The following GALNS variants were observed in gnomAD, a reference collection of about 807,000 sequenced individuals.
GALNS encodes galactosamine (N-acetyl)-6-sulfatase.
A neutral mutation model predicts 65.9 loss-of-function variants in GALNS; 65 were observed. That is an observed-to-expected ratio of 0.99 (90% CI 0.81 to 1.21). GALNS has a LOEUF of 1.21. GALNS is among the 50% of genes most tolerant of loss of function. GALNS has a pLI of 0.00. For synonymous variants in GALNS, 346 were observed against 288.9 expected, an observed-to-expected ratio of 1.20 and a Z score of -2.00; for missense variants, 776 against 700.7, an observed-to-expected ratio of 1.11 and a Z score of -1.21.
At chr16:88,838,097 G>A (rs926531340) in intron 4 of GALNS, among the ~76,000 whole-genome samples, 3 of 152,166 alleles carry the variant, frequency 2.0e-5, no homozygotes, top group Non-Finnish European at 2.9e-5. Flanking sequence ...TCGTGGCCCC[G>A]GCTCCTTCCT....
At chr16:88,854,427 C>T (rs1443603722) in intron 1 of GALNS, among the ~76,000 whole-genome samples, 4 of 152,346 alleles carry the variant, frequency 2.6e-5, no homozygotes, top group Non-Finnish European at 5.9e-5. Flanking sequence ...TGCCAGCATC[C>T]CTGCCCTGTC....
intron 1 of GALNS, among the ~76,000 whole-genome samples, chr16:88,848,492 G>A (rs919797334): frequency 3.3e-5 from 5 of 151,816 alleles, no homozygotes; most frequent in African/African-American, 9.7e-5. Context: ...AATTAGCCAG[G>A]CGTGGTTGCA....
intron 10 of GALNS, among the ~76,000 whole-genome samples, chr16:88,825,555 TCCGGGACTGGGATTC>T (rs1910791384): frequency 1.2e-5 from 1 of 81,094 alleles, no homozygotes; most frequent in Non-Finnish European, 3.0e-5. Flanking sequence ...TGCCTGGGTG[TCCGGGACTGGGATTC>T]CTGGGCAGCT....
Position 88,856,832 on chromosome 16 carries a change from C to T in GALNS, c.46G>A (p.Val16Met), listed in dbSNP as rs577397719. The T allele has an allele frequency of 6.6e-7, 1 of 1,523,340 alleles. No individual in the cohort carries two copies. The highest frequency in any genetic ancestry group is 8.7e-7 in the Non-Finnish European group (1 of 1,144,884). The allele number at this position is 1,523,340 out of a possible 1,614,324, so 94.4% of individuals were successfully genotyped here. ...AATRWWQLLL[V>M]LSAAGMGASG... is the part of the protein sequence containing the mutation. ...GCCCCCATCCCCGCGGCGCTGAGCA[C>T]CAGCAACAGCTGCCACCACCTCGTC... is the stretch of plus-strand genomic sequence containing the variant. Residue 16 changes from valine to methionine, a missense_variant, in exon 1 of 14, where the codon GTG (valine) becomes ATG (methionine). Coordinates refer to ENST00000268695, the MANE Select transcript of GALNS (RefSeq NM_000512.5).
intron 2 of GALNS, 58 bp from the exon 3 acceptor site, chr16:88,842,029 G>A: frequency 6.8e-7 from 1 of 1,476,572 alleles, no homozygotes; most frequent in Non-Finnish European, 9.3e-7. Context: ...CAGACCCCGG[G>A]CGTCAACAAG....
intron 13 of GALNS, chr16:88,817,255 G>A (rs902994823): frequency 3.6e-5 from 35 of 985,176 alleles, no homozygotes; most frequent in Non-Finnish European, 4.0e-5. Flanking sequence ...ACAAGACGAC[G>A]ACGCATCCTT....
chr16:88,855,498 G>A (rs569857721), intron 1 of GALNS: 3 of 702,818 alleles, frequency 4.3e-6, no homozygotes, highest in Non-Finnish European at 7.8e-6. Context: ...CTGGGCGCTG[G>A]AGAGCGTGCT....
chr16:88,828,126 A>C (rs1911120736), intron 9 of GALNS, among the ~76,000 whole-genome samples: 1 of 152,232 alleles, frequency 6.6e-6, no homozygotes, highest in South Asian at 2.1e-4. Flanking sequence ...GCAGAAGGTG[A>C]GAAGCTTCCC....
chr16:88,853,581 G>A (rs1051613979), intron 1 of GALNS, among the ~76,000 whole-genome samples: 11 of 152,208 alleles, frequency 7.2e-5, no homozygotes, highest in Non-Finnish European at 1.3e-4. Flanking sequence ...TTCCAAATAA[G>A]GAGTGGAGAC....
chr16:88,826,913 G>A (rs1910990975), intron 9 of GALNS, 75 bp from the exon 10 acceptor site: 4 of 1,527,080 alleles, frequency 2.6e-6, no homozygotes, highest in South Asian at 2.4e-5. Flanking sequence ...TCCCTGGGGG[G>A]GCGTGAGCCC....
At chr16:88,832,445 C>T (rs1383607489) in intron 8 of GALNS, among the ~76,000 whole-genome samples, 1 of 152,208 alleles carries the variant, frequency 6.6e-6, no homozygotes, top group African/African-American at 2.4e-5. Context: ...TGAATGTTCA[C>T]AAGCCTCCCG....
Position 88,817,898 on chromosome 16 carries a change from G to A in GALNS, c.1482+109C>T, listed in dbSNP as rs76895772. The stretch of plus-strand genomic sequence containing the variant: ...CGAGGGCCTCACCACTGACGGAGGC[G>A]GGGAAGCACGCCTGCCTCTGCCCTG... On this transcript the variant is annotated intron_variant, in intron 13 of 13. Transcript: ENST00000268695. The A allele has an allele frequency of 0.015, 14,128 of 947,248 alleles. 147 individuals carry two copies. Among genetic ancestry groups the A allele is most frequent in the African/African-American group, 0.03 (1,853 of 61,656 alleles). The allele number at this position is 947,248 out of a possible 1,614,324, so 58.7% of individuals were successfully genotyped here. A position where few individuals can be genotyped will look rare whatever the true frequency, so the allele number is the denominator to read the frequency against.
chr16:88,855,795 C>A (rs909315570), intron 1 of GALNS: 3 of 522,596 alleles, frequency 5.7e-6, no homozygotes, highest in African/African-American at 1.9e-5. Flanking sequence ...GTGGCCCCCA[C>A]TGGTCAGCAC....
intron 13 of GALNS, chr16:88,816,497 A>G (rs915424723): frequency 1.0e-5 from 10 of 983,596 alleles, no homozygotes; most frequent in Admixed American, 1.2e-4. Context: ...ATATCTTCCT[A>G]TGAAACTTGC....
intron 10 of GALNS, 131 bp from the exon 11 acceptor site, chr16:88,825,000 T>C (rs1910658730): frequency 1.3e-6 from 1 of 753,844 alleles, no homozygotes; most frequent in South Asian, 1.6e-5. Flanking sequence ...TTTACAAAGA[T>C]GATTGAAAAG....
rs375910835 is a variant in GALNS, at chr16:88,825,704, G to A, written c.1140-835C>T. 2.0e-5 allele frequency among the ~76,000 whole-genome samples: 3 copies of A among 151,688 alleles called. No individual in the cohort carries two copies. In the South Asian group the frequency reaches 6.3e-4, roughly 32 times the overall value. ...CCTGGGGAGGGTGGGCAGACAAGAG[G>A]ATAAGCAGGCGGCACGGGGTCTCCT... On this transcript the variant is annotated intron_variant, in intron 10 of 13. Coordinates refer to ENST00000268695, the MANE Select transcript of GALNS (RefSeq NM_000512.5).
At chr16:88,855,796 T>C in intron 1 of GALNS, 1 of 520,052 alleles carries the variant, frequency 1.9e-6, no homozygotes, top group East Asian at 3.4e-5. Context: ...TGGCCCCCAC[T>C]GGTCAGCACA....
At position 88,822,632 on chromosome 16, in the gene GALNS, T is replaced by C. The variant is rs757171965; in HGVS notation, c.1321A>G (p.Ile441Val). ...NLEDHTKLPL[I>V]FHLGRDPGER... ...CCTGGGTCCCGTCCCAGGTGGAAGA[T>C]CAGGGGCAGCTTCGTGTGGTCTTCC... The change falls in exon 12 of 14, where the codon ATC (isoleucine) becomes GTC (valine). Residue 441 changes from isoleucine to valine, a missense_variant. Coordinates refer to ENST00000268695, the MANE Select transcript of GALNS (RefSeq NM_000512.5). 2 of 1,613,014 alleles carry C rather than the reference T, an allele frequency of 1.2e-6. No homozygotes were observed. Among genetic ancestry groups the C allele is most frequent in the Non-Finnish European group, 8.5e-7 (1 of 1,179,842 alleles).
At chr16:88,847,530 G>C (rs1355788026) in intron 1 of GALNS, among the ~76,000 whole-genome samples, 1 of 152,158 alleles carries the variant, frequency 6.6e-6, no homozygotes, top group African/African-American at 2.4e-5. Context: ...GCCGAGTGGG[G>C]CTCACCTGCC....
Sources: allele counts gnomAD v4.1 joint callset (sites outside exome capture counted in the v4.1 genomes callset), GRCh38; gene constraint gnomAD v4.1.1; transcripts MANE v1.5; gene names NCBI Gene and HGNC (gene_info 2026-07-23, HGNC 2026-07-21).